KLHL29: variants seen among roughly 807,000 people sequenced by gnomAD.
KLHL29 encodes the protein kelch-like protein 29.
A neutral mutation model predicts 80.4 loss-of-function variants in KLHL29; 21 were observed. The ratio of observed to expected loss-of-function variants is 0.26; its 90% CI spans 0.19 to 0.38. KLHL29 has a LOEUF of 0.38. Among genes scored for constraint, KLHL29 ranks in the 10% least tolerant of loss-of-function variants. The pLI is 1.00. For missense variants in KLHL29, 867 were observed against 1,223.9 expected (o/e 0.71, Z 4.35); for synonymous variants, 511 against 526.8 (o/e 0.97, Z 0.41).
chr2:23,477,185 G>A (rs1248849453), intron 2 of KLHL29, among the ~76,000 whole-genome samples: 8 of 152,238 alleles, frequency 5.3e-5, no homozygotes, highest in Non-Finnish European at 1.0e-4. Context: ...ATTCTCAGCC[G>A]CCCACCCTCA....
At chr2:23,483,670 C>T (rs193268732) in intron 2 of KLHL29, among the ~76,000 whole-genome samples, 49 of 152,336 alleles carry the variant, frequency 3.2e-4, no homozygotes, top group African/African-American at 1.2e-3. Flanking sequence ...ATAGCTTCCT[C>T]TCCTGGATCA....
chr2:23,439,320 C>A (rs2103413702), intron 1 of KLHL29, among the ~76,000 whole-genome samples: 1 of 152,152 alleles, frequency 6.6e-6, no homozygotes, highest in African/African-American at 2.4e-5. Flanking sequence ...TTCAGTTCTG[C>A]TCTGATTTTA....
intron 2 of KLHL29, among the ~76,000 whole-genome samples, chr2:23,524,518 G>A (rs934203872): frequency 1.3e-5 from 2 of 152,240 alleles, no homozygotes; most frequent in Non-Finnish European, 2.9e-5. Context: ...TGGCAGGCCA[G>A]TGGGCTGGGT....
intron 1 of KLHL29, among the ~76,000 whole-genome samples, chr2:23,456,441 C>G (rs757565372): frequency 6.6e-6 from 1 of 152,224 alleles, no homozygotes; most frequent in East Asian, 1.9e-4. Context: ...CTAGAATCTT[C>G]GGAGCAGTGA....
chr2:23,674,147 A>G (rs1670860271), intron 5 of KLHL29, among the ~76,000 whole-genome samples: 1 of 152,094 alleles, frequency 6.6e-6, no homozygotes, highest in East Asian at 1.9e-4. Flanking sequence ...AGGGCATTCC[A>G]AGTACACAAA....
intron 5 of KLHL29, among the ~76,000 whole-genome samples, chr2:23,665,559 A>G (rs1670530611): frequency 1.3e-5 from 2 of 152,188 alleles, no homozygotes; most frequent in African/African-American, 4.8e-5. Flanking sequence ...AGGAAGACCT[A>G]AGGCTGGGTA....
At chr2:23,436,307 TG>T (rs1232575433) in intron 1 of KLHL29, among the ~76,000 whole-genome samples, 1 of 151,230 alleles carries the variant, frequency 6.6e-6, no homozygotes, top group African/African-American at 2.4e-5. Flanking sequence ...TGTGTGTGTG[TG>T]TGTGTGTGTG....
At chr2:23,665,873 G>A (rs778065559) in intron 5 of KLHL29, among the ~76,000 whole-genome samples, 6 of 152,146 alleles carry the variant, frequency 3.9e-5, no homozygotes, top group South Asian at 2.1e-4. Context: ...AGGCCCCACC[G>A]CCAACACATT....
At chr2:23,575,406 G>A (rs1485284003) in intron 3 of KLHL29, among the ~76,000 whole-genome samples, 1 of 152,202 alleles carries the variant, frequency 6.6e-6, no homozygotes. Flanking sequence ...TAAGAAGCAA[G>A]TCTGGACTGC....
At chr2:23,522,969 G>T (rs1666153315) in intron 2 of KLHL29, among the ~76,000 whole-genome samples, 1 of 152,110 alleles carries the variant, frequency 6.6e-6, no homozygotes, top group South Asian at 2.1e-4. Flanking sequence ...GACCACGAGA[G>T]CAGGTGTTAG....
intron 1 of KLHL29, among the ~76,000 whole-genome samples, chr2:23,471,938 A>T (rs557262593): frequency 5.3e-5 from 8 of 152,324 alleles, no homozygotes; most frequent in East Asian, 3.9e-4. Context: ...ATTTATTTTT[A>T]AATCACTTTT....
chr2:23,434,185 T>G (rs1046173398), intron 1 of KLHL29, among the ~76,000 whole-genome samples: 3 of 151,656 alleles, frequency 2.0e-5, no homozygotes, highest in African/African-American at 4.8e-5. Flanking sequence ...GCCGGGCGTG[T>G]TGGCGGGCGC....
At chr2:23,497,154 T>G (rs994648039) in intron 2 of KLHL29, among the ~76,000 whole-genome samples, 5 of 152,226 alleles carry the variant, frequency 3.3e-5, no homozygotes, top group Admixed American at 2.6e-4. Context: ...GCATGAGATT[T>G]CTGACTGCCT....
In KLHL29 at chr2:23,696,466, C is replaced by T. The variant is rs1359197740; in HGVS notation, c.2058C>T (p.Tyr686=). 1.9e-6 allele frequency: 3 copies of T among 1,548,664 alleles called. No individual in the cohort carries two copies. The highest frequency in any genetic ancestry group is 1.7e-6 in the Non-Finnish European group (2 of 1,145,646). The part of the protein sequence containing the change: ...HNSLVYDGKI[Y]TLGGLGVAGN... ...GCCTCGTCTACGATGGGAAGATTTA[C>T]ACCCTCGGGGGACTTGGCGTGGCAG... Residue 686 remains tyrosine, a synonymous_variant, in exon 11 of 14, where the codon TAC becomes TAT. Transcript: ENST00000486442. This position sits in a 1 kb window ranked among gnomAD's most constrained non-coding sequence, Gnocchi z 5.5.
At chr2:23,611,202 G>A (rs1668863132) in intron 3 of KLHL29, among the ~76,000 whole-genome samples, 1 of 152,182 alleles carries the variant, frequency 6.6e-6, no homozygotes, top group South Asian at 2.1e-4. Context: ...TTCGGGTCTG[G>A]GAAGCACAGA....
Position 23,680,002 on chromosome 2 carries a change from G to A in KLHL29, c.941-4397G>A, listed in dbSNP as rs570429548. ...GGAGTGGAGGAGGAGCGGAGGGAAC[G>A]GGGAGACCTCCCAGAGGGCTGTGCT... is the stretch of plus-strand genomic sequence containing the variant. On this transcript the variant is annotated intron_variant, in intron 5 of 13. Transcript: ENST00000486442. The surrounding 1 kb of genome is among the most constrained non-coding windows in gnomAD (Gnocchi z 4.1). Among the ~76,000 whole-genome samples the A allele has an allele frequency of 6.6e-6, 1 of 152,326 alleles. No individual in the cohort carries two copies. The highest frequency in any genetic ancestry group is 1.9e-4 in the East Asian group (1 of 5,180).
At chr2:23,648,032 A>G (rs1397470053) in intron 5 of KLHL29, among the ~76,000 whole-genome samples, 1 of 152,056 alleles carries the variant, frequency 6.6e-6, no homozygotes, top group East Asian at 1.9e-4. Flanking sequence ...CCTTCACATG[A>G]AAGCAGGTCA....
At position 23,544,316 on chromosome 2, in the gene KLHL29, G is replaced by A. The variant is rs928409835; in HGVS notation, c.-45-17836G>A. On this transcript the variant is annotated intron_variant, in intron 2 of 13. Transcript: ENST00000486442. Reference sequence around the variant, plus strand: ...ACAGCATTGAACCGAGCTGGCAGGTGGAGACTGTGGTGCCTGAGAGCAGGT... The same window carrying A: ...ACAGCATTGAACCGAGCTGGCAGGTAGAGACTGTGGTGCCTGAGAGCAGGT... Among the ~76,000 whole-genome samples, 16 of 152,196 alleles carry A rather than the reference G, an allele frequency of 1.1e-4. 1 individual carries two copies. Among genetic ancestry groups the A allele is most frequent in the Non-Finnish European group, 1.5e-4 (10 of 68,036 alleles).
At chr2:23,660,839 AC>A (rs1217701322) in intron 5 of KLHL29, among the ~76,000 whole-genome samples, 7 of 152,100 alleles carry the variant, frequency 4.6e-5, no homozygotes, top group Admixed American at 1.3e-4. Context: ...CAGCCTGGCC[AC>A]CATGGTGAAA....
Sources: gnomAD v4.1 joint callset for allele counts (sites outside exome capture counted in the v4.1 genomes callset) on GRCh38, gnomAD v4.1.1 for gene constraint, Gnocchi (gnomAD v3.1) non-coding constraint, MANE v1.5 for transcripts, NCBI Gene and HGNC (gene_info 2026-07-23, HGNC 2026-07-21) for gene names.